PCDHA8: variants seen among roughly 807,000 people sequenced by gnomAD.
PCDHA8 encodes the protein protocadherin alpha 8.
A neutral mutation model predicts 61.8 loss-of-function variants in PCDHA8; 53 were observed. The observed-to-expected ratio is 0.86, with a 90% CI of 0.69 to 1.08. The LOEUF (loss-of-function observed/expected upper bound fraction) is 1.08, where lower values mean the gene tolerates loss of function less well. Among genes scored for constraint, PCDHA8 ranks in the 50% least tolerant of loss-of-function variants. The pLI, the probability that PCDHA8 is intolerant of heterozygous loss-of-function variation, is 0.00. For synonymous variants in PCDHA8, 618 were observed against 556.6 expected (o/e 1.11, Z -1.55); for missense variants, 1,293 against 1,245.0 (o/e 1.04, Z -0.58).
At chr5:140,929,293 A>G in intron 1 of PCDHA8, 1 of 1,594,458 alleles carries the variant, frequency 6.3e-7, no homozygotes, top group Non-Finnish European at 8.6e-7. Flanking sequence ...GATTCGGAAT[A>G]GGAAAGGGGA....
At position 140,843,413 on chromosome 5, in the gene PCDHA8, G is replaced by C; in HGVS notation, c.2092G>C (p.Val698Leu). The C allele has an allele frequency of 1.3e-6, 2 of 1,596,100 alleles. No individual in the cohort carries two copies. The highest frequency in any genetic ancestry group is 1.1e-5 in the South Asian group (1 of 90,510). Residue 698 changes from valine (V) to leucine (L), a missense_variant, in exon 1 of 4, where the codon GTG (valine) becomes CTG (leucine). Transcript: ENST00000531613. ...GPEAALVDVN[V>L]YLIIAICAVS... The stretch of plus-strand genomic sequence containing the variant: ...GGAAGCGGCGCTGGTGGATGTCAAC[G>C]TGTACCTGATCATCGCCATCTGCGC...
At position 140,853,383 on chromosome 5, in the gene PCDHA8, A is replaced by T. The variant is rs2150531366; in HGVS notation, c.2394+9668A>T. ...GGATCCAGAGATGGTAAAATTCAAAACAGCCTGTCAAGTTCAAAACAGAGA... is the reference window on the plus strand; with the variant it reads ...GGATCCAGAGATGGTAAAATTCAAATCAGCCTGTCAAGTTCAAAACAGAGA... On this transcript the variant is annotated intron_variant, in intron 1 of 3. Transcript: ENST00000531613. 4 of 985,712 alleles carry T rather than the reference A, an allele frequency of 4.1e-6. No homozygotes were observed. In the Admixed American group the frequency reaches 1.9e-4, roughly 47 times the overall value. The allele number at this position is 985,712 out of a possible 1,614,324, so 61.1% of individuals were successfully genotyped here.
intron 1 of PCDHA8, among the ~76,000 whole-genome samples, chr5:140,879,217 G>A (rs1163771659): frequency 6.6e-6 from 1 of 152,164 alleles, no homozygotes; most frequent in African/African-American, 2.4e-5. Context: ...GAAATGAATT[G>A]AAAAAGACAT....
At position 140,842,891 on chromosome 5, in the gene PCDHA8, G is replaced by T. The variant is rs2150347390; in HGVS notation, c.1570G>T (p.Asp524Tyr). Residue 524 changes from aspartate (D) to tyrosine (Y), a missense_variant, in exon 1 of 4, where the codon GAC (aspartate) becomes TAC (tyrosine). Physicochemically the swap from Asp to Tyr is radical, Grantham distance 160 (BLOSUM62 -3). Transcript: ENST00000531613. ...CAAGGTGTACGCGCTGCAGCCGCTGGACCACGAGGAGCTAGAGCTGCTGCA... is the reference window on the plus strand; with the variant it reads ...CAAGGTGTACGCGCTGCAGCCGCTGTACCACGAGGAGCTAGAGCTGCTGCA... ...SGKVYALQPL[D>Y]HEELELLQFQ... 1.1e-5 allele frequency: 18 copies of T among 1,594,150 alleles called. No homozygotes were observed. The Admixed American group carries it at 3.0e-4, about 27-fold the overall frequency.
intron 1 of PCDHA8, among the ~76,000 whole-genome samples, chr5:140,947,906 A>G (rs2153681662): frequency 6.6e-6 from 1 of 151,710 alleles, no homozygotes; most frequent in South Asian, 2.1e-4. Flanking sequence ...GTGAGAGCAG[A>G]CATTCTTGCC....
At chr5:140,874,202 T>C (rs11741879) in intron 1 of PCDHA8, among the ~76,000 whole-genome samples, 12,321 of 152,316 alleles carry the variant, frequency 0.081, 541 homozygotes, top group Middle Eastern at 0.13. Context: ...TTCAGTTGCC[T>C]TTATTATTAT....
chr5:140,992,127 T>G (rs1237289084), intron 3 of PCDHA8, among the ~76,000 whole-genome samples: 1 of 151,584 alleles, frequency 6.6e-6, no homozygotes, highest in Non-Finnish European at 1.5e-5. Flanking sequence ...GGAAGAACAG[T>G]GACTGATGAT....
intron 1 of PCDHA8, among the ~76,000 whole-genome samples, chr5:140,937,615 T>TCAAAAAAAAAAAAAAAAAAAAAAAAA (rs1472779704): frequency 4.0e-5 from 6 of 149,436 alleles, no homozygotes; most frequent in African/African-American, 1.5e-4. Flanking sequence ...ATACTCCATC[T>TCAAAAAAAAAAAAAAAAAAAAAAAAA]AAAAAGAAAA....
rs1554263795 is a variant in PCDHA8 at position 141,012,061 on chromosome 5, C to T, written c.*2124C>T. 1 of 153,730 alleles carries T rather than the reference C, an allele frequency of 6.5e-6. No homozygotes were observed. The highest frequency in any genetic ancestry group is 1.9e-4 in the East Asian group (1 of 5,194). The allele number at this position is 153,730 out of a possible 1,614,324, so 9.5% of individuals were successfully genotyped here. A position where few individuals can be genotyped will look rare whatever the true frequency, so the allele number is the denominator to read the frequency against. The stretch of plus-strand genomic sequence containing the variant: ...CATGGGGTAAAACTTGTTACCAACA[C>T]ATGTGAACCATTGCTACATTGTAGG... On this transcript the variant is annotated 3_prime_UTR_variant, in exon 4 of 4. Coordinates refer to ENST00000531613, the MANE Select transcript of PCDHA8 (RefSeq NM_018911.3).
Position 140,849,788 on chromosome 5 carries a change from C to T in PCDHA8, c.2394+6073C>T, listed in dbSNP as rs2150450289. The T allele has an allele frequency of 2.5e-6, 4 of 1,598,468 alleles. No homozygotes were observed. The South Asian group carries it at 4.4e-5, about 18-fold the overall frequency. ...TGGTGGTTACCGCGCGGGACGGGGGCTCGCCTTCACTGTGGGCCACGGCCA... is the reference window on the plus strand; with the variant it reads ...TGGTGGTTACCGCGCGGGACGGGGGTTCGCCTTCACTGTGGGCCACGGCCA... On this transcript the variant is annotated intron_variant, in intron 1 of 3. Coordinates refer to ENST00000531613, the MANE Select transcript of PCDHA8 (RefSeq NM_018911.3).
intron 1 of PCDHA8, among the ~76,000 whole-genome samples, chr5:140,906,435 C>T (rs2072652869): frequency 6.6e-6 from 1 of 152,120 alleles, no homozygotes; most frequent in Non-Finnish European, 1.5e-5. Flanking sequence ...ACATGATAAA[C>T]AAGAAAGGAA....
At chr5:140,946,679 CG>C (rs1355438071) in intron 1 of PCDHA8, among the ~76,000 whole-genome samples, 1 of 144,750 alleles carries the variant, frequency 6.9e-6, no homozygotes, top group Non-Finnish European at 1.5e-5. Flanking sequence ...TCCTGTCATT[CG>C]TGACAATATG....
intron 1 of PCDHA8, among the ~76,000 whole-genome samples, chr5:140,975,707 A>C (rs1445809800): frequency 6.6e-6 from 1 of 152,204 alleles, no homozygotes; most frequent in African/African-American, 2.4e-5. Context: ...ATTTTACTTT[A>C]AATCTTAGAA....
intron 1 of PCDHA8, chr5:140,862,841 C>A (rs782790470): frequency 7.0e-5 from 40 of 573,022 alleles, no homozygotes; most frequent in South Asian, 4.5e-4. Flanking sequence ...GCGGGCATGC[C>A]GCCTCTGAGC....
intron 1 of PCDHA8, among the ~76,000 whole-genome samples, chr5:140,874,643 G>T (rs1423931291): frequency 1.3e-5 from 2 of 152,178 alleles, no homozygotes; most frequent in Non-Finnish European, 2.9e-5. Flanking sequence ...CTTTACTTTT[G>T]CTAGAGTAAA....
Position 140,842,193 on chromosome 5 carries a change from A to G in PCDHA8, c.872A>G (p.Asp291Gly). The G allele has an allele frequency of 6.2e-7, 1 of 1,613,816 alleles. No individual in the cohort carries two copies. Among genetic ancestry groups the G allele is most frequent in the Non-Finnish European group, 8.5e-7 (1 of 1,179,836 alleles). The change falls in exon 1 of 4, where the codon GAC (aspartate) becomes GGC (glycine). Residue 291 changes from aspartate to glycine, a missense_variant. Physicochemically the swap from Asp to Gly is moderately conservative, Grantham distance 94. Transcript: ENST00000531613. ...AGCCTTGTTGAAACTATGGTTATTG[A>G]CCACTTTAGCATAGATCGAAATACG... is the stretch of plus-strand genomic sequence containing the variant. ...FNSLVETMVI[D>G]HFSIDRNTGE...
At chr5:140,937,839 A>G (rs2091791639) in intron 1 of PCDHA8, among the ~76,000 whole-genome samples, 1 of 150,456 alleles carries the variant, frequency 6.6e-6, no homozygotes, top group Non-Finnish European at 1.5e-5. Flanking sequence ...ATGAACCTGG[A>G]AGGCGGAACT....
chr5:140,896,847 A>G (rs892276664), intron 1 of PCDHA8, among the ~76,000 whole-genome samples: 5 of 152,064 alleles, frequency 3.3e-5, no homozygotes, highest in African/African-American at 4.8e-5. Flanking sequence ...TTTTAATTTT[A>G]TGGGTACATA....
chr5:140,878,273 G>T (rs2057527007), intron 1 of PCDHA8, among the ~76,000 whole-genome samples: 1 of 152,096 alleles, frequency 6.6e-6, no homozygotes, highest in Non-Finnish European at 1.5e-5. Flanking sequence ...TTTTAAAATA[G>T]CCTTCTTGAT....
Sources: allele counts gnomAD v4.1 joint callset (sites outside exome capture counted in the v4.1 genomes callset), GRCh38; gene constraint gnomAD v4.1.1; transcripts MANE v1.5; gene names NCBI Gene and HGNC (gene_info 2026-07-23, HGNC 2026-07-21).